GRIA3: variants seen among roughly 807,000 people sequenced by gnomAD.
The protein encoded by GRIA3 is glutamate ionotropic receptor AMPA type subunit 3, also known as glutamate receptor 3.
Under a neutral mutation model 63.0 loss-of-function variants are expected in GRIA3, and 3 were observed. That is an observed-to-expected ratio of 0.05 (90% CI 0.02 to 0.12). The LOEUF (loss-of-function observed/expected upper bound fraction) is 0.12, where lower values mean the gene tolerates loss of function less well. Ranked by LOEUF, GRIA3 falls within the 10% of genes least tolerant of loss-of-function variation. GRIA3 has a pLI of 1.00. For missense variants in GRIA3, 347 were observed against 700.9 expected (o/e 0.50, Z 5.70); for synonymous variants, 274 against 257.9 (o/e 1.06, Z -0.60).
chrX:123,351,235 C>T (rs1165443386), intron 4 of GRIA3, among the ~76,000 whole-genome samples: 1 of 111,620 alleles, frequency 9.0e-6, no homozygotes, highest in Non-Finnish European at 1.9e-5. Flanking sequence ...TGAACAAGAA[C>T]CACTCCCATT....
At chrX:123,448,038 T>C (rs1603161448) in intron 12 of GRIA3, among the ~76,000 whole-genome samples, 2 of 112,005 alleles carry the variant, frequency 1.8e-5, no homozygotes, top group African/African-American at 6.5e-5. Flanking sequence ...AAAAAGATAA[T>C]CAGGCTACGT....
intron 3 of GRIA3, among the ~76,000 whole-genome samples, chrX:123,281,332 C>A (rs12556037): frequency 0.12 from 13,760 of 111,153 alleles, 814 homozygotes; most frequent in South Asian, 0.29. Context: ...TTGTCTATGG[C>A]ATCATTGTCT....
In GRIA3 at chrX:123,427,902, C is replaced by T. The variant is rs183644823; in HGVS notation, c.1878-39C>T. The T allele has an allele frequency of 1.9e-3, 1,832 of 945,395 alleles. 3 individuals are homozygous for T. The highest frequency in any genetic ancestry group is 1.3e-3 in the Non-Finnish European group (863 of 654,580). The allele number at this position is 945,395 out of a possible 1,213,427, so 77.9% of individuals were successfully genotyped here. A position where few individuals can be genotyped will look rare whatever the true frequency, so the allele number is the denominator to read the frequency against. On this transcript the variant is annotated intron_variant, in intron 11 of 15. Transcript: ENST00000620443. ...AAGGATTTCTTAAACTTAGATCTGG[C>T]CCCTCTGGGTCTGGATTTGTTTTTG...
At chrX:123,337,592 G>C (rs7058032) in intron 4 of GRIA3, among the ~76,000 whole-genome samples, 1 of 110,840 alleles carries the variant, frequency 9.0e-6, no homozygotes, top group African/African-American at 3.3e-5. Flanking sequence ...ACACATTTGC[G>C]AGGTAAATAA....
chrX:123,312,107 T>C (rs2044797449), intron 3 of GRIA3, among the ~76,000 whole-genome samples: 1 of 112,129 alleles, frequency 8.9e-6, no homozygotes, highest in African/African-American at 3.2e-5. Context: ...TAAATGTTCA[T>C]TTCTATCCTT....
At chrX:123,387,415 T>G (rs1395649055) in intron 5 of GRIA3, among the ~76,000 whole-genome samples, 1 of 111,705 alleles carries the variant, frequency 9.0e-6, no homozygotes, top group Non-Finnish European at 1.9e-5. Flanking sequence ...CCCTTTCCAG[T>G]ATGGACCTTT....
At position 123,393,463 on chromosome X, in the gene GRIA3, G is replaced by C. The variant is rs149169662; in HGVS notation, c.751-1505G>C. Among the ~76,000 whole-genome samples, 462 of 112,052 alleles carry C rather than the reference G, an allele frequency of 4.1e-3. 5 individuals carry two copies. Among genetic ancestry groups the C allele is most frequent in the African/African-American group, 0.014 (440 of 30,864 alleles). ...AACATTAAAGAATGGATATGGATTT[G>C]GGTAATAAAGGTGTATGCATTTATC... On this transcript the variant is annotated intron_variant, in intron 5 of 15. Coordinates refer to ENST00000620443, the MANE Select transcript of GRIA3 (RefSeq NM_007325.5).
chrX:123,482,734 T>C, intron 14 of GRIA3, 65 bp from the exon 15 acceptor site: 3 of 1,125,847 alleles, frequency 2.7e-6, no homozygotes, highest in African/African-American at 3.6e-5. Context: ...ACTGTTGTAA[T>C]ATATTATAAT....
rs193280237 is a variant in GRIA3 at position 123,355,833 on chromosome X, G to A, written c.750+870G>A. Among the ~76,000 whole-genome samples the A allele has an allele frequency of 2.4e-3, 265 of 111,643 alleles. 2 individuals are homozygous for A. Among genetic ancestry groups the A allele is most frequent in the African/African-American group, 8.2e-3 (253 of 30,869 alleles). ...TATATTCTTATATTTTTTAATCAAAGAAATATCTAATATCTTATTTTGTTT... is the reference window on the plus strand; with the variant it reads ...TATATTCTTATATTTTTTAATCAAAAAAATATCTAATATCTTATTTTGTTT... On this transcript the variant is annotated intron_variant, in intron 5 of 15. Coordinates refer to ENST00000620443, the MANE Select transcript of GRIA3 (RefSeq NM_007325.5).
chrX:123,302,877 T>G (rs1236994033), intron 3 of GRIA3, among the ~76,000 whole-genome samples: 1 of 111,042 alleles, frequency 9.0e-6, no homozygotes, highest in Non-Finnish European at 1.9e-5. Context: ...TTAGCAATTC[T>G]ATCCTCTGTC....
intron 5 of GRIA3, among the ~76,000 whole-genome samples, chrX:123,388,535 C>T (rs1025178454): frequency 5.4e-5 from 6 of 112,127 alleles, no homozygotes; most frequent in African/African-American, 1.9e-4. Context: ...AATGAGCCAC[C>T]GTGCCAGGCC....
chrX:123,437,029 C>T (rs1024686492), intron 12 of GRIA3, among the ~76,000 whole-genome samples: 2 of 109,519 alleles, frequency 1.8e-5, no homozygotes, highest in African/African-American at 6.6e-5. Flanking sequence ...AACTGGAATG[C>T]TTGGTTGCAC....
At chrX:123,452,471 C>A (rs2045738422) in intron 12 of GRIA3, among the ~76,000 whole-genome samples, 1 of 110,432 alleles carries the variant, frequency 9.1e-6, no homozygotes. Context: ...GAAAATAATT[C>A]TCCAGGGACC....
chrX:123,343,278 G>A (rs2045020759), intron 4 of GRIA3, among the ~76,000 whole-genome samples: 1 of 110,765 alleles, frequency 9.0e-6, no homozygotes, highest in African/African-American at 3.3e-5. Context: ...TTTCCACCTG[G>A]GATCCTCTCT....
At chrX:123,260,415 AGACAGACAGAC>A (rs1569409567) in intron 3 of GRIA3, among the ~76,000 whole-genome samples, 5 of 8,018 alleles carry the variant, frequency 6.2e-4, no homozygotes, top group African/African-American at 2.0e-3. Flanking sequence ...ACAGACAGAC[AGACAGACAGAC>A]AGAAAGAAAG....
intron 2 of GRIA3, among the ~76,000 whole-genome samples, chrX:123,212,113 C>T (rs992574214): frequency 1.8e-5 from 2 of 111,849 alleles, no homozygotes; most frequent in African/African-American, 6.5e-5. Context: ...TGATTCAGCA[C>T]TGCTCTGGAA....
intron 3 of GRIA3, among the ~76,000 whole-genome samples, chrX:123,288,751 T>C (rs764463612): frequency 8.9e-6 from 1 of 111,810 alleles, no homozygotes; most frequent in Admixed American, 9.4e-5. Context: ...ATGGCGATCA[T>C]TAAAAAGTCA....
In GRIA3 at chrX:123,312,428, G is replaced by A. The variant is rs1384135986; in HGVS notation, c.509-13598G>A. ...GAAAGGTTTGTGGGATGGAAGTGAGGCTTTGTGGTGGAGGGCAACCAGAGT... is the reference window on the plus strand; with the variant it reads ...GAAAGGTTTGTGGGATGGAAGTGAGACTTTGTGGTGGAGGGCAACCAGAGT... On this transcript the variant is annotated intron_variant, in intron 3 of 15. Transcript: ENST00000620443. Among the ~76,000 whole-genome samples the A allele has an allele frequency of 2.7e-5, 3 of 111,974 alleles. No individual in the cohort carries two copies. The East Asian group carries it at 8.4e-4, about 31-fold the overall frequency.
At chrX:123,286,208 C>T (rs1206266982) in intron 3 of GRIA3, among the ~76,000 whole-genome samples, 1 of 111,868 alleles carries the variant, frequency 8.9e-6, no homozygotes, top group African/African-American at 3.3e-5. Flanking sequence ...TAAATAAGTT[C>T]TTTGAAACCA....
Sources: allele counts gnomAD v4.1 joint callset (sites outside exome capture counted in the v4.1 genomes callset), GRCh38; gene constraint gnomAD v4.1.1; transcripts MANE v1.5; gene names NCBI Gene and HGNC (gene_info 2026-07-23, HGNC 2026-07-21).